LRATD1: variants seen among roughly 807,000 people sequenced by gnomAD.
The protein encoded by LRATD1 is protein LRATD1.
LRATD1 carries 8 observed loss-of-function variants against 21.3 expected under a neutral mutation model. That is an observed-to-expected ratio of 0.38 (90% CI 0.22 to 0.68). The LOEUF is 0.68. LRATD1 is among the 30% of genes least tolerant of loss of function. The pLI is 0.54. For synonymous variants in LRATD1, 210 were observed against 186.2 expected (o/e 1.13, Z -1.04); for missense variants, 380 against 404.0 (o/e 0.94, Z 0.51).
Position 14,634,835 on chromosome 2 carries a change from G to C in LRATD1, c.856G>C (p.Asp286His), listed in dbSNP as rs757721901. The change falls in exon 2 of 2, where the codon GAC (aspartate) becomes CAC (histidine). Residue 286 changes from aspartate (D) to histidine (H), a missense_variant. By Grantham distance (81) the Asp-to-His change is moderately conservative. Coordinates refer to ENST00000295092, the MANE Select transcript of LRATD1 (RefSeq NM_145175.4). ...CCTGCGAGTGCTCCAGGAGCTCGCC[G>C]ACCTCGTGGACGACAAGGAGTAGCC... ...GRLRVLQELA[D>H]LVDDKE The C allele has an allele frequency of 1.2e-6, 2 of 1,609,322 alleles. No homozygotes were observed. The highest frequency in any genetic ancestry group is 2.2e-5 in the South Asian group (2 of 90,800).
At chr2:14,648,350 C>T (rs1000305008) in intron 4 of LRATD1, among the ~76,000 whole-genome samples, 1 of 151,978 alleles carries the variant, frequency 6.6e-6, no homozygotes, top group African/African-American at 2.4e-5. Flanking sequence ...TCAACATTTG[C>T]CACGATAGAA....
intron 4 of LRATD1, chr2:14,649,220 G>A: frequency 6.6e-6 from 3 of 452,878 alleles, no homozygotes; most frequent in South Asian, 1.6e-5. Flanking sequence ...ATGTGGAGAG[G>A]ATGGTGGAGG....
At chr2:14,650,856 T>C (rs1671992615), downstream of LRATD1, 1 of 152,206 alleles carries the variant, frequency 6.6e-6, no homozygotes, top group Admixed American at 6.5e-5. Flanking sequence ...GGAATATATT[T>C]CTGGATATGG....
chr2:14,648,685 A>G lies in LRATD1; in HGVS notation n.437-631A>G, dbSNP rs566236804. The stretch of plus-strand genomic sequence containing the variant: ...TGTGAAAATGGTTTTGAGCTTGTGC[A>G]TCCTGTAAAAGAGTCTCCGGGATCC... On this transcript the variant is annotated intron_variant and non_coding_transcript_variant, in intron 4 of 5. Transcript: ENST00000464947. 2.4e-4 allele frequency among the ~76,000 whole-genome samples: 36 copies of G among 152,318 alleles called. No homozygotes were observed. In the South Asian group the frequency reaches 7.0e-3, roughly 30 times the overall value.
In LRATD1 at chr2:14,633,073, C is replaced by G. The variant is rs1671589597; in HGVS notation, c.-37+136C>G. ...CTACACACACACGCTCCCACCCACA[C>G]CCACACACATACACTGCACTGGCTT... On this transcript the variant is annotated intron_variant, in intron 1 of 1. Coordinates refer to ENST00000295092, the MANE Select transcript of LRATD1 (RefSeq NM_145175.4). The surrounding 1 kb of genome is among the most constrained non-coding windows in gnomAD (Gnocchi z 7.5). 1 of 152,406 alleles carries G rather than the reference C, an allele frequency of 6.6e-6. No homozygotes were observed. The highest frequency in any genetic ancestry group is 1.5e-5 in the Non-Finnish European group (1 of 68,366). 9.4% of individuals were successfully genotyped at this position (152,406 alleles called of 1,614,324 possible).
chr2:14,650,578 A>G (rs1671987986), downstream of LRATD1: 1 of 152,176 alleles, frequency 6.6e-6, no homozygotes, highest in African/African-American at 2.4e-5. Context: ...GCATGCCTCA[A>G]TTTTAATTGT....
At chr2:14,640,399 T>C (rs1005815981), downstream of LRATD1, among the ~76,000 whole-genome samples, 9 of 152,228 alleles carry the variant, frequency 5.9e-5, no homozygotes, top group African/African-American at 2.2e-4. Flanking sequence ...TTCTGAACTT[T>C]ATTTTGTCCA....
chr2:14,633,159 G>T lies in LRATD1; in HGVS notation c.-37+222G>T, dbSNP rs1343806949. Among the ~76,000 whole-genome samples the T allele has an allele frequency of 1.3e-5, 2 of 152,180 alleles. No individual in the cohort carries two copies. Among genetic ancestry groups the T allele is most frequent in the East Asian group, 1.9e-4 (1 of 5,172 alleles). On this transcript the variant is annotated intron_variant, in intron 1 of 1. Coordinates refer to ENST00000295092, the MANE Select transcript of LRATD1 (RefSeq NM_145175.4). This position sits in a 1 kb window ranked among gnomAD's most constrained non-coding sequence, Gnocchi z 7.5. The stretch of plus-strand genomic sequence containing the variant: ...TTAGACAGAGCAGCCTCGCCCTGGC[G>T]CAGTCCCATTGGCCCTGATGGGGAC...
In LRATD1 at chr2:14,635,757, C is replaced by T. The variant is rs928218017; in HGVS notation, c.*899C>T. On this transcript the variant is annotated 3_prime_UTR_variant, in exon 2 of 2. Coordinates refer to ENST00000295092, the MANE Select transcript of LRATD1 (RefSeq NM_145175.4). ...TCTGAACCCTTGATTGCTCCCTCCT[C>T]GGGCTGCATTTCAAAAATAGTCATA... 2.6e-6 allele frequency: 1 copy of T among 382,526 alleles called. No homozygotes were observed. The highest frequency in any genetic ancestry group is 2.0e-5 in the South Asian group (1 of 50,098). The allele number at this position is 382,526 out of a possible 1,614,324, so 23.7% of individuals were successfully genotyped here. A position where few individuals can be genotyped will look rare whatever the true frequency, so the allele number is the denominator to read the frequency against.
rs989445726 is a variant in LRATD1, at chr2:14,635,088, G to C, written c.*230G>C. ...CGCCGCTGCGAGCGCCTGGCTGACA[G>C]CCACAGCGGTGGTGACGGTGCTGGG... On this transcript the variant is annotated 3_prime_UTR_variant, in exon 2 of 2. Transcript: ENST00000295092. 4.2e-6 allele frequency: 3 copies of C among 722,424 alleles called. No individual in the cohort carries two copies. Among genetic ancestry groups the C allele is most frequent in the Non-Finnish European group, 7.5e-6 (3 of 398,112 alleles). The allele number at this position is 722,424 out of a possible 1,614,324, so 44.8% of individuals were successfully genotyped here.
chr2:14,633,251 G>A lies in LRATD1; in HGVS notation c.-37+314G>A, dbSNP rs74742552. On this transcript the variant is annotated intron_variant, in intron 1 of 1. Transcript: ENST00000295092. This position sits in a 1 kb window ranked among gnomAD's most constrained non-coding sequence, Gnocchi z 7.5. ...GGCAGGTGTGCCCGGGTGCTTGGGC[G>A]TACGTGCAACGGCGAGCGTGCAAGC... 1.3e-5 allele frequency among the ~76,000 whole-genome samples: 2 copies of A among 152,150 alleles called. No individual in the cohort carries two copies. Among genetic ancestry groups the A allele is most frequent in the African/African-American group, 2.4e-5 (1 of 41,436 alleles).
rs1412132540 is a variant in LRATD1, at chr2:14,638,249, T to G, written c.*3391T>G. On this transcript the variant is annotated 3_prime_UTR_variant, in exon 2 of 2. Coordinates refer to ENST00000295092, the MANE Select transcript of LRATD1 (RefSeq NM_145175.4). Reference sequence around the variant, plus strand: ...AAAAAAAAAAACTATAGAATTTACGTATGTTACATTTTTAAGTATGAGTTA... The same window carrying G: ...AAAAAAAAAAACTATAGAATTTACGGATGTTACATTTTTAAGTATGAGTTA... The G allele has an allele frequency of 1.2e-5, 2 of 163,850 alleles. No homozygotes were observed. Among genetic ancestry groups the G allele is most frequent in the Admixed American group, 6.7e-5 (1 of 14,980 alleles). The allele number at this position is 163,850 out of a possible 1,614,324, so 10.1% of individuals were successfully genotyped here. A position where few individuals can be genotyped will look rare whatever the true frequency, so the allele number is the denominator to read the frequency against.
At position 14,633,705 on chromosome 2, in the gene LRATD1, C is replaced by T; in HGVS notation, c.-36-239C>T. On this transcript the variant is annotated intron_variant, in intron 1 of 1. Transcript: ENST00000295092. This position sits in a 1 kb window ranked among gnomAD's most constrained non-coding sequence, Gnocchi z 7.5. The stretch of plus-strand genomic sequence containing the variant: ...TGGGTGTTTTCTTCTGGGAGTTGGA[C>T]CGAGTTCCCGGAAGGGGTCGGAGGC... 2.2e-6 allele frequency: 1 copy of T among 450,800 alleles called. No homozygotes were observed. Among genetic ancestry groups the T allele is most frequent in the East Asian group, 3.4e-5 (1 of 29,490 alleles). 27.9% of individuals were successfully genotyped at this position (450,800 alleles called of 1,614,324 possible).
In LRATD1 at chr2:14,638,149, A is replaced by AG. The variant is rs1172481981; in HGVS notation, c.*3297dup. 3.4e-5 allele frequency: 5 copies of AG among 147,944 alleles called. No homozygotes were observed. The highest frequency in any genetic ancestry group is 8.9e-5 in the African/African-American group (3 of 33,526). 9.2% of individuals were successfully genotyped at this position (147,944 alleles called of 1,614,324 possible). On this transcript the variant is annotated 3_prime_UTR_variant, in exon 2 of 2. Coordinates refer to ENST00000295092, the MANE Select transcript of LRATD1 (RefSeq NM_145175.4). ...AAACCAAAAATCAAATAAAATAAGG[A>AG]GGGGGGCTGGGTATACTTTAAACAA...
downstream of LRATD1, chr2:14,650,519 A>G (rs1391528368): frequency 6.6e-6 from 1 of 152,230 alleles, no homozygotes; most frequent in East Asian, 1.9e-4. Flanking sequence ...TACTACTCAT[A>G]TAAAACCACT....
In LRATD1 at chr2:14,634,721, C is replaced by A; in HGVS notation, c.742C>A (p.His248Asn). ...GCAGCAGCAGTACTATCTCAAGGTG[C>A]ACCTGGGAGAGAACAAGGTCCACAC... ...PPQQQYYLKV[H>N]LGENKVHTAR... is the part of the protein sequence containing the mutation. The change falls in exon 2 of 2, where the codon CAC (histidine) becomes AAC (asparagine). Residue 248 changes from histidine (H) to asparagine (N), a missense_variant. His to Asn is a moderately conservative substitution (Grantham distance 68). Transcript: ENST00000295092. 1.3e-6 allele frequency: 2 copies of A among 1,555,398 alleles called. No homozygotes were observed. The highest frequency in any genetic ancestry group is 1.2e-5 in the South Asian group (1 of 83,586).
intron 4 of LRATD1, chr2:14,646,514 T>C (rs1671898514): frequency 6.6e-6 from 1 of 152,208 alleles, no homozygotes; most frequent in Non-Finnish European, 1.5e-5. Context: ...TACTATGCTA[T>C]TGATCATGTG....
chr2:14,641,081 T>A (rs1436994837), downstream of LRATD1, among the ~76,000 whole-genome samples: 1 of 152,196 alleles, frequency 6.6e-6, no homozygotes, highest in Non-Finnish European at 1.5e-5. Flanking sequence ...CAAATGTAAG[T>A]GCATGTCCAG....
rs1464071872 is a variant in LRATD1 at position 14,634,989 on chromosome 2, C to G, written c.*131C>G. On this transcript the variant is annotated 3_prime_UTR_variant, in exon 2 of 2. Transcript: ENST00000295092. ...CCACGCGCGTCCGCCGCCGGTGGCCCGGGCCCGGGCTGCACCCCCGCATCC... is the reference window on the plus strand; with the variant it reads ...CCACGCGCGTCCGCCGCCGGTGGCCGGGGCCCGGGCTGCACCCCCGCATCC... The G allele has an allele frequency of 6.4e-6, 8 of 1,256,018 alleles. No individual in the cohort carries two copies. The highest frequency in any genetic ancestry group is 8.8e-6 in the Non-Finnish European group (8 of 907,020). 77.8% of individuals were successfully genotyped at this position (1,256,018 alleles called of 1,614,324 possible). A position where few individuals can be genotyped will look rare whatever the true frequency, so the allele number is the denominator to read the frequency against.
Sources: gnomAD v4.1 joint callset for allele counts (sites outside exome capture counted in the v4.1 genomes callset) on GRCh38, gnomAD v4.1.1 for gene constraint, Gnocchi (gnomAD v3.1) non-coding constraint, MANE v1.5 for transcripts, NCBI Gene and HGNC (gene_info 2026-07-23, HGNC 2026-07-21) for gene names.